PTPRZ1: variants seen among roughly 807,000 people sequenced by gnomAD.
The protein encoded by PTPRZ1 is receptor-type tyrosine-protein phosphatase zeta.
Under a neutral mutation model 214.1 loss-of-function variants are expected in PTPRZ1, and 82 were observed. The ratio of observed to expected loss-of-function variants is 0.38; its 90% confidence interval spans 0.32 to 0.46. PTPRZ1 has a LOEUF of 0.46. PTPRZ1 is among the 20% of genes least tolerant of loss of function. The pLI is 1.00. For synonymous variants in PTPRZ1, 945 were observed against 987.9 expected, an observed-to-expected ratio of 0.96 and a Z score of 0.81; for missense variants, 2,603 against 2,748.7, an observed-to-expected ratio of 0.95 and a Z score of 1.19.
intron 2 of PTPRZ1, among the ~76,000 whole-genome samples, chr7:121,958,100 G>A (rs959548051): frequency 6.6e-6 from 1 of 152,002 alleles, no homozygotes; most frequent in Non-Finnish European, 1.5e-5. Context: ...GTCTCTGTGT[G>A]CCACCTTATC....
chr7:122,034,263 T>C lies in PTPRZ1; in HGVS notation c.5188-19T>C, dbSNP rs1175582263. Reference sequence around the variant, plus strand: ...TGAAAGAATGTGTGTTAAAATGATTTACATATAATTTTTTACAGGAAGTGC... The same window carrying C: ...TGAAAGAATGTGTGTTAAAATGATTCACATATAATTTTTTACAGGAAGTGC... On this transcript the variant is annotated intron_variant, in intron 16 of 29. Coordinates refer to ENST00000393386, the MANE Select transcript of PTPRZ1 (RefSeq NM_002851.3). 6.2e-7 allele frequency: 1 copy of C among 1,606,432 alleles called. No homozygotes were observed. The highest frequency in any genetic ancestry group is 2.2e-5 in the East Asian group (1 of 44,794).
intron 13 of PTPRZ1, among the ~76,000 whole-genome samples, chr7:122,022,498 G>A (rs1328949696): frequency 1.3e-5 from 2 of 152,124 alleles, no homozygotes. Context: ...CAGAGGGAGG[G>A]GGCCTCCAAA....
At chr7:121,889,531 G>T (rs573942207) in intron 1 of PTPRZ1, among the ~76,000 whole-genome samples, 2 of 152,242 alleles carry the variant, frequency 1.3e-5, no homozygotes, top group East Asian at 3.9e-4. Flanking sequence ...AAGTTAATCA[G>T]CAAATGTGGT....
chr7:122,027,732 G>A (rs900245705), intron 13 of PTPRZ1, among the ~76,000 whole-genome samples: 8 of 152,084 alleles, frequency 5.3e-5, no homozygotes, highest in African/African-American at 1.2e-4. Context: ...TGCTCTTGTC[G>A]ATAGTTTGTG....
chr7:122,054,814 A>G, intron 26 of PTPRZ1, 127 bp from the exon 27 acceptor site: 1 of 921,558 alleles, frequency 1.1e-6, no homozygotes, highest in Non-Finnish European at 1.6e-6. Flanking sequence ...TGTTAAGAGT[A>G]AATATTCAGA....
At chr7:122,009,373 A>C (rs75077720) in intron 11 of PTPRZ1, among the ~76,000 whole-genome samples, 40 of 152,114 alleles carry the variant, frequency 2.6e-4, no homozygotes, top group African/African-American at 9.4e-4. Flanking sequence ...TGGCCTTAAA[A>C]TATCTAATAG....
chr7:121,952,116 G>A (rs917193612), intron 2 of PTPRZ1, among the ~76,000 whole-genome samples: 9 of 151,938 alleles, frequency 5.9e-5, no homozygotes, highest in African/African-American at 1.9e-4. Flanking sequence ...CCACCACCAT[G>A]CCTGGCTAAT....
rs1387151167 is a variant in PTPRZ1, at chr7:121,984,099, G to T, written c.910G>T (p.Glu304Ter). 2 of 1,612,732 alleles carry T rather than the reference G, an allele frequency of 1.2e-6. No individual in the cohort carries two copies. Among genetic ancestry groups the T allele is most frequent in the Non-Finnish European group, 8.5e-7 (1 of 1,179,372 alleles). ...RQVFSSYTGK[E>*]EIHEAVCSSE... Reference sequence around the variant, plus strand: ...GGTGTTTTCCTCATACACTGGAAAGGAAGAGATTCATGAAGCAGGTATGTA... The same window carrying T: ...GGTGTTTTCCTCATACACTGGAAAGTAAGAGATTCATGAAGCAGGTATGTA... Residue 304 changes from glutamate to a stop codon, truncating the protein, a stop_gained, in exon 8 of 30, where the codon GAA becomes TAA. Transcript: ENST00000393386. LOFTEE classifies it high-confidence loss of function.
intron 1 of PTPRZ1, among the ~76,000 whole-genome samples, chr7:121,901,603 C>A (rs541208193): frequency 6.6e-6 from 1 of 152,066 alleles, no homozygotes; most frequent in Admixed American, 6.6e-5. Context: ...TAGAATGTAA[C>A]AATTACTTGG....
In PTPRZ1 at chr7:121,972,472, T is replaced by C. The variant is rs544916768; in HGVS notation, c.305-69T>C. 4 of 1,413,120 alleles carry C rather than the reference T, an allele frequency of 2.8e-6. No homozygotes were observed. In the East Asian group the frequency reaches 9.4e-5, roughly 33 times the overall value. 87.5% of individuals were successfully genotyped at this position (1,413,120 alleles called of 1,614,324 possible). A position where few individuals can be genotyped will look rare whatever the true frequency, so the allele number is the denominator to read the frequency against. On this transcript the variant is annotated intron_variant, in intron 3 of 29. Transcript: ENST00000393386. The stretch of plus-strand genomic sequence containing the variant: ...TTTTTCTTAATGTACCTTAAGTAGA[T>C]GGAAATTTAGTTGAAATTTAAAATT...
At chr7:122,060,027 T>C in intron 29 of PTPRZ1, 139 bp downstream of exon 29, 1 of 834,730 alleles carries the variant, frequency 1.2e-6, no homozygotes, top group Non-Finnish European at 1.8e-6. Flanking sequence ...GAATTACAAG[T>C]CCACAATCCA....
intron 23 of PTPRZ1, among the ~76,000 whole-genome samples, chr7:122,046,326 T>C (rs1791979871): frequency 6.6e-6 from 1 of 152,152 alleles, no homozygotes; most frequent in South Asian, 2.1e-4. Context: ...GAGAATTGCC[T>C]GAGCTCAGAA....
intron 2 of PTPRZ1, among the ~76,000 whole-genome samples, chr7:121,960,262 A>G (rs1283680777): frequency 6.6e-6 from 1 of 152,078 alleles, no homozygotes; most frequent in Non-Finnish European, 1.5e-5. Flanking sequence ...GCTCGTCTCA[A>G]ACTCCTGACC....
chr7:122,014,027 T>C (rs1798772010), intron 12 of PTPRZ1, 138 bp downstream of exon 12: 4 of 688,216 alleles, frequency 5.8e-6, no homozygotes, highest in Non-Finnish European at 9.2e-6. Flanking sequence ...AACAAATCAG[T>C]CTCCAGTTTC....
Position 122,013,380 on chromosome 7 carries a change from G to A in PTPRZ1, c.4334G>A (p.Cys1445Tyr), listed in dbSNP as rs201023288. 1 of 1,614,164 alleles carries A rather than the reference G, an allele frequency of 6.2e-7. No individual in the cohort carries two copies. Among genetic ancestry groups the A allele is most frequent in the East Asian group, 2.2e-5 (1 of 44,870 alleles). The change falls in exon 12 of 30, where the codon TGC becomes TAC. Residue 1445 changes from cysteine (C) to tyrosine (Y), a missense_variant. Around this residue, in one of 6 missense-constraint regions of PTPRZ1, gnomAD observed 1,913 missense variants for 1,914.3 expected, o/e 1.00. Coordinates refer to ENST00000393386, the MANE Select transcript of PTPRZ1 (RefSeq NM_002851.3). ...DGLSIHKCMS[C>Y]SSYRESQEKV... ...TTATCCATTCATAAGTGTATGTCAT[G>A]CTCATCCTATAGAGAATCACAGGAA... is the stretch of plus-strand genomic sequence containing the variant.
chr7:122,024,022 T>G (rs1799132375), intron 13 of PTPRZ1, among the ~76,000 whole-genome samples: 1 of 151,644 alleles, frequency 6.6e-6, no homozygotes, highest in Non-Finnish European at 1.5e-5. Context: ...TCATGCCTGA[T>G]GGATAATTAG....
Position 122,010,665 on chromosome 7 carries a change from A to G in PTPRZ1, c.1619A>G (p.Asp540Gly). ...GAAGGTACTTCAGCCTCTTTAAATG[A>G]TGGCTCTAAAACTGTTCTTAGATCT... Reference protein sequence around the residue: ...TVEGTSASLNDGSKTVLRSPH... With the variant: ...TVEGTSASLNGGSKTVLRSPH... The change falls in exon 12 of 30, where the codon GAT (aspartate) becomes GGT (glycine). Residue 540 changes from aspartate to glycine, a missense_variant. Asp to Gly is a moderately conservative substitution (Grantham distance 94, BLOSUM62 -1). This residue lies in a region of PTPRZ1 where 1,913 missense variants were observed against 1,914.3 expected (regional missense o/e 1.00). Transcript: ENST00000393386. 11 of 1,613,546 alleles carry G rather than the reference A, an allele frequency of 6.8e-6. No individual in the cohort carries two copies. Among genetic ancestry groups the G allele is most frequent in the Non-Finnish European group, 9.3e-6 (11 of 1,179,494 alleles).
intron 14 of PTPRZ1, among the ~76,000 whole-genome samples, chr7:122,030,340 T>TA (rs1474822127): frequency 6.6e-6 from 1 of 152,072 alleles, no homozygotes; most frequent in Non-Finnish European, 1.5e-5. Context: ...TAAAAGGTAC[T>TA]AGTCTACTTA....
intron 2 of PTPRZ1, among the ~76,000 whole-genome samples, chr7:121,962,802 G>A (rs1356602910): frequency 2.0e-5 from 3 of 151,870 alleles, no homozygotes; most frequent in Non-Finnish European, 2.9e-5. Context: ...CTGACCTCGT[G>A]ATCCGCCCAC....
Sources: gnomAD v4.1 joint callset for allele counts (sites outside exome capture counted in the v4.1 genomes callset) on GRCh38, gnomAD v4.1.1 for gene constraint, gnomAD v4.1.1 regional missense constraint, MANE v1.5 for transcripts, NCBI Gene and HGNC (gene_info 2026-07-23, HGNC 2026-07-21) for gene names.